Variants in SESN1 observed in about 807,000 individuals in gnomAD.
SESN1 encodes sestrin 1.
In SESN1, 30 loss-of-function variants were observed where a neutral mutation model predicts 59.3. The ratio of observed to expected loss-of-function variants is 0.51; its 90% CI spans 0.38 to 0.69. The LOEUF (loss-of-function observed/expected upper bound fraction) is 0.69, where lower values mean the gene tolerates loss of function less well. Among genes scored for constraint, SESN1 ranks in the 30% least tolerant of loss-of-function variants. The pLI, the probability that SESN1 is intolerant of heterozygous loss-of-function variation, is 0.00. For synonymous variants in SESN1, 197 were observed against 219.9 expected, an observed-to-expected ratio of 0.90 and a Z score of 0.92; for missense variants, 566 against 673.0, an observed-to-expected ratio of 0.84 and a Z score of 1.76.
chr6:109,006,387 T>G (rs191002183), intron 1 of SESN1, among the ~76,000 whole-genome samples: 45 of 152,178 alleles, frequency 3.0e-4, no homozygotes, highest in South Asian at 1.5e-3. Flanking sequence ...CCATGTTGGT[T>G]TGCTGCACCC....
At position 109,004,262 on chromosome 6, in the gene SESN1, AAATAT is replaced by A. The variant is rs1216305822; in HGVS notation, c.280-1924_280-1920del. Among the ~76,000 whole-genome samples the A allele has an allele frequency of 6.6e-5, 10 of 152,340 alleles. No homozygotes were observed. In the East Asian group the frequency reaches 1.7e-3, roughly 26 times the overall value. On this transcript the variant is annotated intron_variant, in intron 1 of 9. Coordinates refer to ENST00000436639, the MANE Select transcript of SESN1 (RefSeq NM_014454.3). The stretch of plus-strand genomic sequence containing the variant: ...AATACCACAAAAGCCAAAAGTCATA[AAATAT>A]AAGATTGATAAATTTAATGACATAA...
chr6:109,002,502 T>C (rs1353392940), intron 1 of SESN1, among the ~76,000 whole-genome samples, 159 bp from the exon 2 acceptor site: 1 of 152,186 alleles, frequency 6.6e-6, no homozygotes, highest in African/African-American at 2.4e-5. Context: ...TCTGTTAGCA[T>C]TACATAGCTA....
chr6:108,991,315 C>A (rs1360861452), intron 7 of SESN1, among the ~76,000 whole-genome samples: 1 of 152,144 alleles, frequency 6.6e-6, no homozygotes, highest in Admixed American at 6.5e-5. Context: ...GATCACAGCT[C>A]ACTGCAGTCT....
intron 1 of SESN1, among the ~76,000 whole-genome samples, chr6:109,044,093 T>C (rs971495532): frequency 8.6e-5 from 13 of 151,774 alleles, no homozygotes; most frequent in African/African-American, 2.2e-4. Flanking sequence ...GGCAAGAGGA[T>C]TGCTTGAGCC....
At chr6:109,074,302 A>G (rs1780991881) in intron 1 of SESN1, among the ~76,000 whole-genome samples, 1 of 144,452 alleles carries the variant, frequency 6.9e-6, no homozygotes, top group South Asian at 2.2e-4. Context: ...GTATATATGT[A>G]TATACCTTCT....
chr6:109,063,346 G>C (rs1349650734), intron 1 of SESN1, among the ~76,000 whole-genome samples: 1 of 152,268 alleles, frequency 6.6e-6, no homozygotes, highest in South Asian at 2.1e-4. Flanking sequence ...CTTGGGCAGG[G>C]GGTTGGGGGG....
At chr6:109,047,695 C>T (rs1351534293) in intron 1 of SESN1, among the ~76,000 whole-genome samples, 28 of 139,642 alleles carry the variant, frequency 2.0e-4, no homozygotes, top group African/African-American at 6.2e-4. Context: ...GGATGGTTGC[C>T]GTGTCTGTGT....
At chr6:109,005,643 T>G (rs574503022) in intron 1 of SESN1, among the ~76,000 whole-genome samples, 1 of 152,326 alleles carries the variant, frequency 6.6e-6, no homozygotes, top group East Asian at 1.9e-4. Context: ...TTCTATGTAA[T>G]TCTTGTCTTT....
At chr6:109,066,884 T>C in intron 1 of SESN1, among the ~76,000 whole-genome samples, 1 of 99,216 alleles carries the variant, frequency 1.0e-5, no homozygotes, top group African/African-American at 5.5e-5. Context: ...ACAGCAAACG[T>C]TGAAGTAACA....
At chr6:108,989,915 G>A (rs1196067296) in intron 8 of SESN1, among the ~76,000 whole-genome samples, 1 of 152,270 alleles carries the variant, frequency 6.6e-6, no homozygotes. Context: ...CCATTGAGGA[G>A]GCTAAAGTCA....
chr6:109,015,043 G>A (rs766971272), intron 1 of SESN1, among the ~76,000 whole-genome samples: 9 of 152,060 alleles, frequency 5.9e-5, no homozygotes, highest in Non-Finnish European at 1.3e-4. Context: ...ATTATGTATC[G>A]AATGAACTCT....
chr6:108,995,369 C>T (rs1779483389), intron 5 of SESN1, among the ~76,000 whole-genome samples: 1 of 152,168 alleles, frequency 6.6e-6, no homozygotes. Context: ...TTTATTTCTA[C>T]AATTTACCAA....
In SESN1 at chr6:108,992,876, T is replaced by G. The variant is rs567350587; in HGVS notation, c.1144A>C (p.Arg382=). ...SSDDEEVTPA[R]AVSRHFEDTS... ...TCCTCAAAATGACGAGATACAGCTCTTGCTGGTGTAACTTCTTCATCATCT... is the reference window on the plus strand; with the variant it reads ...TCCTCAAAATGACGAGATACAGCTCGTGCTGGTGTAACTTCTTCATCATCT... Residue 382 remains arginine, a synonymous_variant, in exon 7 of 10, where the codon AGA becomes CGA. Transcript: ENST00000436639. 1.2e-6 allele frequency: 2 copies of G among 1,612,810 alleles called. No individual in the cohort carries two copies. The highest frequency in any genetic ancestry group is 2.2e-5 in the South Asian group (2 of 90,892).
intron 1 of SESN1, among the ~76,000 whole-genome samples, chr6:109,035,635 G>A (rs1780237989): frequency 6.6e-6 from 1 of 151,856 alleles, no homozygotes. Context: ...CTTTTTTTGA[G>A]AAGGGGTCTC....
At chr6:109,088,869 G>A (rs1781262569) in intron 1 of SESN1, among the ~76,000 whole-genome samples, 1 of 152,084 alleles carries the variant, frequency 6.6e-6, no homozygotes, top group African/African-American at 2.4e-5. Context: ...CCAGTATAAA[G>A]CCTTGGATGA....
intron 1 of SESN1, chr6:109,009,557 G>C: frequency 1.0e-6 from 1 of 969,444 alleles, no homozygotes; most frequent in Non-Finnish European, 1.2e-6. Context: ...ACGGACGGCG[G>C]GGGGGCGGGG....
chr6:109,083,494 A>C (rs777651907), intron 1 of SESN1, among the ~76,000 whole-genome samples: 3 of 152,210 alleles, frequency 2.0e-5, no homozygotes, highest in Non-Finnish European at 2.9e-5. Flanking sequence ...AGAAGAAATG[A>C]TTCATTAGGT....
chr6:109,020,785 A>T (rs1256874589), intron 1 of SESN1, among the ~76,000 whole-genome samples: 2 of 152,214 alleles, frequency 1.3e-5, no homozygotes, highest in East Asian at 3.9e-4. Context: ...ACAATAGTTA[A>T]CAGTTTTCTT....
intron 1 of SESN1, among the ~76,000 whole-genome samples, chr6:109,023,019 T>G (rs1319736381): frequency 6.6e-6 from 1 of 152,200 alleles, no homozygotes; most frequent in Non-Finnish European, 1.5e-5. Context: ...TTCCCTGCAA[T>G]CTGCTCTGTA....
Sources: gnomAD v4.1 joint callset for allele counts (sites outside exome capture counted in the v4.1 genomes callset) on GRCh38, gnomAD v4.1.1 for gene constraint, MANE v1.5 for transcripts, NCBI Gene and HGNC (gene_info 2026-07-23, HGNC 2026-07-21) for gene names.